Variants in FILIP1 observed in about 807,000 individuals in gnomAD.
FILIP1 encodes filamin A interacting protein 1.
In FILIP1, 61 loss-of-function variants were observed where a neutral mutation model predicts 102.1. That is an observed-to-expected ratio of 0.60 (90% CI 0.49 to 0.74). The LOEUF is 0.74. Ranked by LOEUF, FILIP1 falls within the 30% of genes least tolerant of loss-of-function variation. The pLI, the probability that FILIP1 is intolerant of heterozygous loss-of-function variation, is 0.00. For synonymous variants in FILIP1, 491 were observed against 526.9 expected, an observed-to-expected ratio of 0.93 and a Z score of 0.93; for missense variants, 1,314 against 1,441.2, an observed-to-expected ratio of 0.91 and a Z score of 1.43.
chr6:75,372,693 AAGAG>A (rs58836979), intron 2 of FILIP1, among the ~76,000 whole-genome samples: 1 of 41,676 alleles, frequency 2.4e-5, no homozygotes, highest in Non-Finnish European at 4.5e-5. Context: ...AAGAGAAAGA[AAGAG>A]AAAGAAAGAA....
chr6:75,442,921 A>G (rs916095028), intron 1 of FILIP1, among the ~76,000 whole-genome samples: 4 of 152,246 alleles, frequency 2.6e-5, no homozygotes, highest in Non-Finnish European at 5.9e-5. Flanking sequence ...TTCTCAGAAG[A>G]GCAATCTTTT....
chr6:75,335,644 T>C (rs932851174), intron 4 of FILIP1, among the ~76,000 whole-genome samples: 6 of 152,194 alleles, frequency 3.9e-5, no homozygotes, highest in African/African-American at 1.4e-4. Context: ...GAAATGTATG[T>C]CATTTATGTT....
At chr6:75,478,830 T>G (rs1469961203) in intron 1 of FILIP1, among the ~76,000 whole-genome samples, 1 of 152,220 alleles carries the variant, frequency 6.6e-6, no homozygotes, top group Admixed American at 6.5e-5. Flanking sequence ...CCAATTTTTT[T>G]CAGAGTATTT....
intron 1 of FILIP1, among the ~76,000 whole-genome samples, chr6:75,421,699 T>A (rs1227702511): frequency 6.6e-6 from 1 of 152,186 alleles, no homozygotes; most frequent in East Asian, 1.9e-4. Context: ...AGTAATACTG[T>A]CTAGCGTGGT....
chr6:75,301,098 T>C (rs1291187081), intron 6 of FILIP1, among the ~76,000 whole-genome samples: 4 of 152,202 alleles, frequency 2.6e-5, no homozygotes, highest in Non-Finnish European at 5.9e-5. Context: ...ATACCTAGGT[T>C]GTTCTAAGTC....
chr6:75,392,369 C>A (rs1188900970), intron 2 of FILIP1, among the ~76,000 whole-genome samples: 7 of 152,138 alleles, frequency 4.6e-5, no homozygotes, highest in African/African-American at 1.7e-4. Flanking sequence ...AGATTCAAAT[C>A]TGAAACTTCC....
chr6:75,467,048 C>G (rs78091475), intron 1 of FILIP1, among the ~76,000 whole-genome samples: 5,518 of 152,218 alleles, frequency 0.036, 359 homozygotes, highest in African/African-American at 0.13. Flanking sequence ...CTATCCTGTT[C>G]ATGAATGCAT....
At chr6:75,319,044 A>T (rs1773545628) in intron 4 of FILIP1, 2 of 681,262 alleles carry the variant, frequency 2.9e-6, no homozygotes, top group East Asian at 3.4e-5. Context: ...CATCATCGTC[A>T]TCTTCTTCAT....
intron 1 of FILIP1, among the ~76,000 whole-genome samples, chr6:75,434,314 C>A (rs1034272165): frequency 6.6e-6 from 1 of 152,180 alleles, no homozygotes; most frequent in African/African-American, 2.4e-5. Flanking sequence ...ATTCTTCCTA[C>A]CCATGAGCAT....
chr6:75,384,299 C>A (rs953345617), intron 2 of FILIP1, among the ~76,000 whole-genome samples: 1 of 152,104 alleles, frequency 6.6e-6, no homozygotes, highest in Admixed American at 6.5e-5. Flanking sequence ...GTAATTAAAT[C>A]AAACCTTTAC....
intron 1 of FILIP1, among the ~76,000 whole-genome samples, chr6:75,487,547 T>TGTGTGTGTGCACGTGC (rs1257220644): frequency 6.6e-6 from 1 of 152,094 alleles, no homozygotes; most frequent in African/African-American, 2.4e-5. Flanking sequence ...ATGACTTGTG[T>TGTGTGTGTGCACGTGC]GTGTGTGTGC....
At chr6:75,355,743 A>G (rs956665868) in intron 3 of FILIP1, among the ~76,000 whole-genome samples, 7 of 152,166 alleles carry the variant, frequency 4.6e-5, no homozygotes, top group African/African-American at 7.2e-5. Context: ...TGCCTTGATC[A>G]CCTTTTTAGT....
At chr6:75,422,589 C>T (rs1020911450) in intron 1 of FILIP1, among the ~76,000 whole-genome samples, 1 of 152,138 alleles carries the variant, frequency 6.6e-6, no homozygotes, top group Non-Finnish European at 1.5e-5. Flanking sequence ...GCCAGAAAGA[C>T]AAGTACCTTA....
At chr6:75,459,505 C>G (rs1170069727) in intron 1 of FILIP1, among the ~76,000 whole-genome samples, 1 of 152,162 alleles carries the variant, frequency 6.6e-6, no homozygotes, top group Non-Finnish European at 1.5e-5. Context: ...CCTTCCTTCT[C>G]AGTCCCTTCA....
downstream of FILIP1, among the ~76,000 whole-genome samples, chr6:75,307,764 T>C (rs898250088): frequency 2.6e-5 from 4 of 152,190 alleles, no homozygotes; most frequent in Non-Finnish European, 5.9e-5. Context: ...GGTTTTACAC[T>C]TGCAAGTCTA....
rs1246817537 is a variant in FILIP1, at chr6:75,313,831, A to G, written c.2001T>C (p.Phe667=). 3 of 1,613,920 alleles carry G rather than the reference A, an allele frequency of 1.9e-6. No individual in the cohort carries two copies. Among genetic ancestry groups the G allele is most frequent in the Non-Finnish European group, 2.5e-6 (3 of 1,179,972 alleles). Residue 667 remains phenylalanine (F), a synonymous_variant, in exon 5 of 6, where the codon TTT becomes TTC. Transcript: ENST00000237172. This position sits in a 1 kb window ranked among gnomAD's most constrained non-coding sequence, Gnocchi z 4.2. ...EDEYDQLEQK[F]RTEQDKANFL... is the part of the protein sequence containing the mutation. ...AGTTAGCCTTATCCTGCTCAGTTCT[A>G]AATTTCTGTTCCAGCTGATCATACT...
rs146777829 is a variant in FILIP1, at chr6:75,416,511, G to A, written c.-6-1533C>T. On this transcript the variant is annotated intron_variant, in intron 1 of 5. Coordinates refer to ENST00000237172, the MANE Select transcript of FILIP1 (RefSeq NM_015687.5). ...GAAGTTTCTTTGTAATGGAAGCCAG[G>A]GCACTTTGGAACAAACCTACTGTAT... 7.0e-3 allele frequency among the ~76,000 whole-genome samples: 1,069 copies of A among 151,754 alleles called. 11 individuals are homozygous for A. The highest frequency in any genetic ancestry group is 0.025 in the African/African-American group (1,030 of 41,388).
intron 1 of FILIP1, among the ~76,000 whole-genome samples, chr6:75,438,294 T>A (rs1183108466): frequency 1.3e-5 from 2 of 152,210 alleles, no homozygotes; most frequent in Non-Finnish European, 2.9e-5. Flanking sequence ...AACATCTGGA[T>A]CTCATACTTT....
intron 1 of FILIP1, among the ~76,000 whole-genome samples, chr6:75,482,855 T>C (rs560780684): frequency 6.6e-6 from 1 of 152,336 alleles, no homozygotes; most frequent in African/African-American, 2.4e-5. Context: ...TCATGACATT[T>C]AATGAATTCA....
Sources: allele counts gnomAD v4.1 joint callset (sites outside exome capture counted in the v4.1 genomes callset), GRCh38; gene constraint gnomAD v4.1.1; non-coding constraint Gnocchi (gnomAD v3.1); transcripts MANE v1.5; gene names NCBI Gene and HGNC (gene_info 2026-07-23, HGNC 2026-07-21).